The following ENTPD1 variants were observed in gnomAD, a reference collection of about 807,000 sequenced individuals.
The protein encoded by ENTPD1 is ATP diphosphohydrolase.
Under a neutral mutation model 57.0 loss-of-function variants are expected in ENTPD1, and 33 were observed. That is an observed-to-expected ratio of 0.58 (90% CI 0.44 to 0.77). The LOEUF is 0.77. ENTPD1 is among the 30% of genes least tolerant of loss of function. The pLI is 0.00. For synonymous variants in ENTPD1, 202 were observed against 218.8 expected (o/e 0.92, Z 0.68); for missense variants, 501 against 603.4 (o/e 0.83, Z 1.78).
intron 1 of ENTPD1, among the ~76,000 whole-genome samples, chr10:95,817,149 G>T (rs1589986662): frequency 6.6e-6 from 1 of 152,148 alleles, no homozygotes; most frequent in African/African-American, 2.4e-5. Flanking sequence ...ATGATTGTTG[G>T]CTCGGTGACC....
chr10:95,845,083 G>A (rs1294041934), intron 5 of ENTPD1, among the ~76,000 whole-genome samples: 2 of 152,166 alleles, frequency 1.3e-5, no homozygotes, highest in Non-Finnish European at 1.5e-5. Context: ...GCTAACAAGC[G>A]ACTGAGTGAG....
At chr10:95,739,523 C>T (rs188677182) in intron 1 of ENTPD1, among the ~76,000 whole-genome samples, 1 of 152,230 alleles carries the variant, frequency 6.6e-6, no homozygotes, top group Non-Finnish European at 1.5e-5. Flanking sequence ...AAGTCCTCAT[C>T]TGCTCCATTT....
At position 95,873,582 on chromosome 10, in the gene ENTPD1, A is replaced by G. The variant is rs1398833580; in HGVS notation, c.*7199A>G. On this transcript the variant is annotated 3_prime_UTR_variant, in exon 10 of 10. Coordinates refer to ENST00000371205, the MANE Select transcript of ENTPD1 (RefSeq NM_001776.6). ...ACGCATCCTTTAAAAATGGTTTAGA[A>G]GTTTAGCTGGTTTCTTATTACTCCT... 9.1e-6 allele frequency: 9 copies of G among 985,444 alleles called. No homozygotes were observed. The highest frequency in any genetic ancestry group is 9.6e-6 in the Non-Finnish European group (8 of 829,934). The allele number at this position is 985,444 out of a possible 1,614,324, so 61.0% of individuals were successfully genotyped here.
the ENTPD1 span, among the ~76,000 whole-genome samples, chr10:95,695,813 A>G: frequency 2.0e-5 from 3 of 152,210 alleles, no homozygotes; most frequent in South Asian, 2.1e-4. Flanking sequence ...TTAGATGTGC[A>G]TTAAATATTT....
At chr10:95,845,805 A>T (rs747510990) in intron 6 of ENTPD1, 34 of 681,126 alleles carry the variant, frequency 5.0e-5, no homozygotes, top group Non-Finnish European at 8.4e-5. Flanking sequence ...TTACTGCGTT[A>T]TCTCCACAGA....
chr10:95,850,673 C>T (rs1359874244), intron 7 of ENTPD1, among the ~76,000 whole-genome samples: 1 of 152,176 alleles, frequency 6.6e-6, no homozygotes, highest in Non-Finnish European at 1.5e-5. Context: ...CTCCAGCACA[C>T]CACTGTAAAT....
chr10:95,815,075 A>G (rs905069637), intron 1 of ENTPD1, among the ~76,000 whole-genome samples: 4 of 152,202 alleles, frequency 2.6e-5, no homozygotes, highest in African/African-American at 9.6e-5. Flanking sequence ...GCAGGAAAAA[A>G]CCCGCTAAAT....
chr10:95,769,955 G>T (rs2098108581), intron 1 of ENTPD1, among the ~76,000 whole-genome samples: 1 of 152,082 alleles, frequency 6.6e-6, no homozygotes, highest in Non-Finnish European at 1.5e-5. Flanking sequence ...TCTCGGTTTT[G>T]GGTGTGTTAA....
chr10:95,710,335 G>T (rs1472093837), upstream of ENTPD1, among the ~76,000 whole-genome samples: 2 of 152,276 alleles, frequency 1.3e-5, no homozygotes, highest in East Asian at 3.9e-4. Flanking sequence ...AACAGAGGAG[G>T]TGGAGGTTGC....
intron 7 of ENTPD1, among the ~76,000 whole-genome samples, chr10:95,852,947 T>G (rs1590162986): frequency 1.3e-5 from 2 of 152,206 alleles, no homozygotes; most frequent in South Asian, 2.1e-4. Flanking sequence ...CTTTAAAGTA[T>G]TTTTTTCCAA....
chr10:95,729,489 C>T (rs2097987118), intron 1 of ENTPD1, among the ~76,000 whole-genome samples: 1 of 152,086 alleles, frequency 6.6e-6, no homozygotes, highest in Admixed American at 6.6e-5. Flanking sequence ...GGCAGTGTTC[C>T]TTATGTGAAG....
intron 1 of ENTPD1, among the ~76,000 whole-genome samples, chr10:95,761,077 G>A (rs185679950): frequency 5.3e-4 from 81 of 152,126 alleles, no homozygotes; most frequent in Admixed American, 1.5e-3. Flanking sequence ...TGATCCGCCC[G>A]TCTCGGCCTC....
At chr10:95,832,406 T>G (rs1453705645) in intron 2 of ENTPD1, among the ~76,000 whole-genome samples, 1 of 152,144 alleles carries the variant, frequency 6.6e-6, no homozygotes, top group Non-Finnish European at 1.5e-5. Context: ...AAAATAGCCT[T>G]AATGAACTGA....
intron 1 of ENTPD1, among the ~76,000 whole-genome samples, chr10:95,734,559 A>T (rs952673684): frequency 1.3e-5 from 2 of 152,232 alleles, no homozygotes; most frequent in Admixed American, 6.5e-5. Context: ...GGAAAGAACA[A>T]TTAAACGGAG....
chr10:95,735,210 T>A (rs1743433645), intron 1 of ENTPD1, among the ~76,000 whole-genome samples: 1 of 152,038 alleles, frequency 6.6e-6, no homozygotes, highest in South Asian at 2.1e-4. Context: ...TTTGTATTTT[T>A]AGTAGAGACG....
chr10:95,714,788 A>G (rs1277511053), intron 1 of ENTPD1, among the ~76,000 whole-genome samples: 1 of 151,896 alleles, frequency 6.6e-6, no homozygotes, highest in Non-Finnish European at 1.5e-5. Flanking sequence ...TTTTTTTTAG[A>G]ATATGCAGTG....
chr10:95,780,794 G>A (rs1455401653), intron 1 of ENTPD1, among the ~76,000 whole-genome samples: 5 of 152,172 alleles, frequency 3.3e-5, no homozygotes, highest in African/African-American at 1.2e-4. Flanking sequence ...CCAAGTCCTT[G>A]GTCAGGGAAG....
rs1428859197 is a variant in ENTPD1, at chr10:95,869,190, T to G, written c.*2807T>G. On this transcript the variant is annotated 3_prime_UTR_variant, in exon 10 of 10. Transcript: ENST00000371205. ...TAAAGATTCCTTTATAAGGTGGGAG[T>G]TTTTTTTCTATGAACCTATAGGGGA... is the stretch of plus-strand genomic sequence containing the variant. 7.1e-6 allele frequency: 7 copies of G among 984,142 alleles called. No homozygotes were observed. Among genetic ancestry groups the G allele is most frequent in the African/African-American group, 1.8e-5 (1 of 56,882 alleles). The allele number at this position is 984,142 out of a possible 1,614,324, so 61.0% of individuals were successfully genotyped here. A position where few individuals can be genotyped will look rare whatever the true frequency, so the allele number is the denominator to read the frequency against.
chr10:95,866,658 C>T lies in ENTPD1; in HGVS notation c.*275C>T. 7.8e-7 allele frequency: 1 copy of T among 1,285,734 alleles called. No individual in the cohort carries two copies. The highest frequency in any genetic ancestry group is 1.5e-5 in the African/African-American group (1 of 66,312). 79.6% of individuals were successfully genotyped at this position (1,285,734 alleles called of 1,614,324 possible). A position where few individuals can be genotyped will look rare whatever the true frequency, so the allele number is the denominator to read the frequency against. Reference sequence around the variant, plus strand: ...GCTTGTATAGGTTTTAAAGACCTGACACCTTTCATAATCTTTGCTTTATAA... The same window carrying T: ...GCTTGTATAGGTTTTAAAGACCTGATACCTTTCATAATCTTTGCTTTATAA... On this transcript the variant is annotated 3_prime_UTR_variant, in exon 10 of 10. Coordinates refer to ENST00000371205, the MANE Select transcript of ENTPD1 (RefSeq NM_001776.6).
Sources: gnomAD v4.1 joint callset for allele counts (sites outside exome capture counted in the v4.1 genomes callset) on GRCh38, gnomAD v4.1.1 for gene constraint, MANE v1.5 for transcripts, NCBI Gene and HGNC (gene_info 2026-07-23, HGNC 2026-07-21) for gene names.